Variants in HGSNAT observed in about 807,000 individuals in gnomAD.
The protein encoded by HGSNAT is transmembrane protein 76.
Under a neutral mutation model 85.2 loss-of-function variants are expected in HGSNAT, and 59 were observed. The observed-to-expected ratio is 0.69, with a 90% CI of 0.56 to 0.86. The LOEUF (loss-of-function observed/expected upper bound fraction) is 0.86. Ranked by LOEUF, HGSNAT falls within the 40% of genes least tolerant of loss-of-function variation. HGSNAT has a pLI of 0.00. For missense variants in HGSNAT, 756 were observed against 777.1 expected, an observed-to-expected ratio of 0.97 and a Z score of 0.32; for synonymous variants, 321 against 304.5, an observed-to-expected ratio of 1.05 and a Z score of -0.56.
intron 2 of HGSNAT, among the ~76,000 whole-genome samples, chr8:43,151,458 T>C (rs752389831): frequency 1.3e-5 from 2 of 152,206 alleles, no homozygotes; most frequent in African/African-American, 2.4e-5. Flanking sequence ...GTGTCAGTGT[T>C]ACTGGCAATA....
chr8:43,200,531 T>C lies in HGSNAT; in HGVS notation c.*962T>C, dbSNP rs1345184402. The C allele has an allele frequency of 6.6e-6, 1 of 152,254 alleles. No homozygotes were observed. Among genetic ancestry groups the C allele is most frequent in the Admixed American group, 6.5e-5 (1 of 15,284 alleles). 9.4% of individuals were successfully genotyped at this position (152,254 alleles called of 1,614,324 possible). A position where few individuals can be genotyped will look rare whatever the true frequency, so the allele number is the denominator to read the frequency against. ...ATTACAGAAAACTCTTCAAAATAAA[T>C]AGTAGTGAAAACTTTTAAAAACTCT... is the stretch of plus-strand genomic sequence containing the variant. On this transcript the variant is annotated 3_prime_UTR_variant, in exon 18 of 18. Coordinates refer to ENST00000379644, the MANE Select transcript of HGSNAT (RefSeq NM_152419.3).
intron 5 of HGSNAT, among the ~76,000 whole-genome samples, chr8:43,165,924 A>G (rs1482758698): frequency 2.0e-5 from 3 of 152,228 alleles, no homozygotes; most frequent in African/African-American, 4.8e-5. Flanking sequence ...CAAAGGAGCT[A>G]GACTCTGTCT....
At position 43,184,710 on chromosome 8, in the gene HGSNAT, C is replaced by T. The variant is rs536768795; in HGVS notation, c.1128+2450C>T. Among the ~76,000 whole-genome samples, 5 of 152,242 alleles carry T rather than the reference C, an allele frequency of 3.3e-5. No individual in the cohort carries two copies. The East Asian group carries it at 7.7e-4, about 23-fold the overall frequency. ...GGTGTTTTAGACGTGAAGTCCTTGC[C>T]CATGCCTGTGTCCTGAATGGTATTG... On this transcript the variant is annotated intron_variant, in intron 11 of 17. Coordinates refer to ENST00000379644, the MANE Select transcript of HGSNAT (RefSeq NM_152419.3).
rs1268624067 is a variant in HGSNAT, at chr8:43,200,606, C to G, written c.*1037C>G. 6.6e-6 allele frequency: 1 copy of G among 152,478 alleles called. No individual in the cohort carries two copies. Among genetic ancestry groups the G allele is most frequent in the African/African-American group, 2.4e-5 (1 of 41,456 alleles). The allele number at this position is 152,478 out of a possible 1,614,324, so 9.4% of individuals were successfully genotyped here. A position where few individuals can be genotyped will look rare whatever the true frequency, so the allele number is the denominator to read the frequency against. On this transcript the variant is annotated 3_prime_UTR_variant, in exon 18 of 18. Transcript: ENST00000379644. Reference sequence around the variant, plus strand: ...GATCCTCCACAATGGAGGCAGCGTTCCTACTTGTCATCACACAGCTGAAGA... The same window carrying G: ...GATCCTCCACAATGGAGGCAGCGTTGCTACTTGTCATCACACAGCTGAAGA...
rs779611596 is a variant in HGSNAT at position 43,193,789 on chromosome 8, C to T, written c.1410C>T (p.Pro470=). Residue 470 remains proline, a synonymous_variant, in exon 14 of 18, where the codon CCC becomes CCT. Coordinates refer to ENST00000379644, the MANE Select transcript of HGSNAT (RefSeq NM_152419.3). ...ACCACACCGAGGTGGCCTATGACCC[C>T]GAGGGCATCCTGGGCACCATCAACT... is the stretch of plus-strand genomic sequence containing the variant. ...VLYHTEVAYD[P]EGILGTINSI... 6.8e-6 allele frequency: 11 copies of T among 1,613,692 alleles called. No individual in the cohort carries two copies. The highest frequency in any genetic ancestry group is 1.6e-4 in the Middle Eastern group (1 of 6,084).
chr8:43,182,162 C>T lies in HGSNAT; in HGVS notation c.1030C>T (p.Arg344Cys), dbSNP rs121908285. The T allele has an allele frequency of 1.6e-5, 26 of 1,613,678 alleles. No homozygotes were observed. Among genetic ancestry groups the T allele is most frequent in the Middle Eastern group, 1.6e-4 (1 of 6,076 alleles). The change falls in exon 11 of 18, where the codon CGC (arginine) becomes TGC (cysteine). Residue 344 changes from arginine to cysteine, a missense_variant. Transcript: ENST00000379644. Reference sequence around the variant, plus strand: ...TTTTGCAGTGTCTTGGGACAAGGTGCGCATTCCTGGTGTGCTGCAGCGATT... The same window carrying T: ...TTTTGCAGTGTCTTGGGACAAGGTGTGCATTCCTGGTGTGCTGCAGCGATT... ...CLGPLSWDKV[R>C]IPGVLQRLGV... is the part of the protein sequence containing the mutation.
chr8:43,198,592 T>G (rs1478580416), intron 17 of HGSNAT, among the ~76,000 whole-genome samples: 1 of 151,838 alleles, frequency 6.6e-6, no homozygotes, highest in African/African-American at 2.4e-5. Context: ...CAGCCTCTGG[T>G]TCTTAATAAT....
At chr8:43,141,275 A>G (rs1482546949) in intron 1 of HGSNAT, among the ~76,000 whole-genome samples, 1 of 152,070 alleles carries the variant, frequency 6.6e-6, no homozygotes, top group Non-Finnish European at 1.5e-5. Flanking sequence ...TTTTCCCTCC[A>G]GGGTGACTGG....
chr8:43,149,806 G>C (rs1200801879), intron 2 of HGSNAT, among the ~76,000 whole-genome samples: 1 of 152,020 alleles, frequency 6.6e-6, no homozygotes, highest in African/African-American at 2.4e-5. Flanking sequence ...TAGTAAACCA[G>C]ATAATAAAAA....
rs757193957 is a variant in HGSNAT, at chr8:43,172,346, A to C, written c.780A>C (p.Gly260=). Residue 260 remains glycine (G), a synonymous_variant, in exon 8 of 18, where the codon GGA becomes GGC. Coordinates refer to ENST00000379644, the MANE Select transcript of HGSNAT (RefSeq NM_152419.3). ...ALILMVFVNY[G]GGKYWYFKHA... ...TACTCATGGTCTTTGTCAATTATGG[A>C]GGAGGAAAATATTGGTACTTCAAAC... The C allele has an allele frequency of 6.2e-7, 1 of 1,612,150 alleles. No individual in the cohort carries two copies. Among genetic ancestry groups the C allele is most frequent in the Non-Finnish European group, 8.5e-7 (1 of 1,178,186 alleles).
At chr8:43,166,398 G>A (rs1042532744) in intron 5 of HGSNAT, among the ~76,000 whole-genome samples, 10 of 152,156 alleles carry the variant, frequency 6.6e-5, no homozygotes, top group African/African-American at 1.2e-4. Flanking sequence ...AGGAGCTAAC[G>A]CAACTGGTGA....
At chr8:43,151,069 A>C (rs1378376628) in intron 2 of HGSNAT, among the ~76,000 whole-genome samples, 2 of 152,192 alleles carry the variant, frequency 1.3e-5, no homozygotes, top group African/African-American at 2.4e-5. Context: ...CCCTAAATAA[A>C]AAGGCACCAA....
At chr8:43,148,376 C>CTA (rs1262369920) in intron 2 of HGSNAT, among the ~76,000 whole-genome samples, 4 of 151,356 alleles carry the variant, frequency 2.6e-5, no homozygotes, top group Non-Finnish European at 4.4e-5. Context: ...TATAGTAATG[C>CTA]TATATCAAGG....
At chr8:43,146,844 A>G (rs912245809) in intron 1 of HGSNAT, 104 bp from the exon 2 acceptor site, 20 of 650,778 alleles carry the variant, frequency 3.1e-5, no homozygotes, top group Non-Finnish European at 5.0e-5. Flanking sequence ...TAAGCTTTTG[A>G]GAAGCACTAC....
intron 10 of HGSNAT, among the ~76,000 whole-genome samples, chr8:43,178,594 CTTTTTTTTTT>C (rs58996359): frequency 2.1e-5 from 2 of 96,924 alleles, no homozygotes; most frequent in Non-Finnish European, 2.3e-5. Context: ...CATCAGCTTT[CTTTTTTTTTT>C]TTTTTTTTTT....
At chr8:43,189,828 C>T (rs1047503338) in intron 11 of HGSNAT, among the ~76,000 whole-genome samples, 12 of 152,200 alleles carry the variant, frequency 7.9e-5, no homozygotes, top group African/African-American at 2.9e-4. Flanking sequence ...GATCTGACCT[C>T]GTGATCTGCC....
intron 11 of HGSNAT, among the ~76,000 whole-genome samples, chr8:43,190,148 A>C (rs1398366945): frequency 1.3e-5 from 2 of 152,214 alleles, no homozygotes; most frequent in African/African-American, 2.4e-5. Context: ...AGCATGTCGG[A>C]GTCCCATCTC....
At chr8:43,173,651 T>G (rs1414800869) in intron 8 of HGSNAT, 62 bp from the exon 9 acceptor site, 1 of 1,556,438 alleles carries the variant, frequency 6.4e-7, no homozygotes, top group Non-Finnish European at 8.8e-7. Flanking sequence ...AAGTCCACAC[T>G]AGATTTAGGA....
intron 8 of HGSNAT, among the ~76,000 whole-genome samples, chr8:43,173,512 G>A (rs532152096): frequency 6.6e-6 from 1 of 152,144 alleles, no homozygotes; most frequent in Admixed American, 6.5e-5. Context: ...GTTTGATCAC[G>A]TTGGCCAGGC....
Sources: allele counts gnomAD v4.1 joint callset (sites outside exome capture counted in the v4.1 genomes callset), GRCh38; gene constraint gnomAD v4.1.1; transcripts MANE v1.5; gene names NCBI Gene and HGNC (gene_info 2026-07-23, HGNC 2026-07-21).